The following BMP2K variants were observed in gnomAD, a reference collection of about 807,000 sequenced individuals.
BMP2K encodes the protein BMP2 inducible kinase, also known as BMP-2-inducible protein kinase.
In BMP2K, 74 loss-of-function variants were observed where a neutral mutation model predicts 116.0. The ratio of observed to expected loss-of-function variants is 0.64; its 90% CI spans 0.53 to 0.77. The LOEUF (loss-of-function observed/expected upper bound fraction) is 0.77. Among genes scored for constraint, BMP2K ranks in the 30% least tolerant of loss-of-function variants. BMP2K has a pLI of 0.00. For missense variants in BMP2K, 1,365 were observed against 1,403.6 expected (o/e 0.97, Z 0.44); for synonymous variants, 486 against 502.5 (o/e 0.97, Z 0.44).
In BMP2K at chr4:78,776,582, CAGCGGCGGCGG is replaced by C; in HGVS notation, c.48_58del (p.Gly17TrpfsTer65). 3 of 1,161,810 alleles carry C rather than the reference CAGCGGCGGCGG, an allele frequency of 2.6e-6. No homozygotes were observed. The highest frequency in any genetic ancestry group is 3.2e-6 in the Non-Finnish European group (3 of 938,820). The allele number at this position is 1,161,810 out of a possible 1,614,324, so 72.0% of individuals were successfully genotyped here. On this transcript the variant is annotated frameshift_variant, in exon 1 of 16. Transcript: ENST00000502613. LOFTEE classifies it high-confidence loss of function. ...CTCGGATGCCCAAGTCGGAGGGCGGCAGCGGCGGCGGAGCGGCGGGTGGCGGGGCTGGCGGG... is the reference window on the plus strand; with the variant it reads ...CTCGGATGCCCAAGTCGGAGGGCGGCAGCGGCGGGTGGCGGGGCTGGCGGG...
intron 7 of BMP2K, among the ~76,000 whole-genome samples, chr4:78,858,272 T>G (rs1185283855): frequency 6.6e-6 from 1 of 151,972 alleles, no homozygotes; most frequent in Non-Finnish European, 1.5e-5. Flanking sequence ...TTAAAAACAT[T>G]TAATATCTGT....
rs112065711 is a variant in BMP2K at position 78,865,849 on chromosome 4, T to C, written c.1231+129T>C. On this transcript the variant is annotated intron_variant, in intron 10 of 15. Transcript: ENST00000502613. Reference sequence around the variant, plus strand: ...TAACATAATGCTTTCAGAAACTTTCTATTGATGTCTAATAAATTCAGTTGG... The same window carrying C: ...TAACATAATGCTTTCAGAAACTTTCCATTGATGTCTAATAAATTCAGTTGG... 7 of 869,016 alleles carry C rather than the reference T, an allele frequency of 8.1e-6. 1 individual carries two copies. In the African/African-American group the frequency reaches 1.0e-4, roughly 13 times the overall value. The allele number at this position is 869,016 out of a possible 1,614,324, so 53.8% of individuals were successfully genotyped here. A position where few individuals can be genotyped will look rare whatever the true frequency, so the allele number is the denominator to read the frequency against.
At chr4:78,874,568 T>C (rs905760321) in intron 13 of BMP2K, among the ~76,000 whole-genome samples, 1 of 152,212 alleles carries the variant, frequency 6.6e-6, no homozygotes, top group African/African-American at 2.4e-5. Flanking sequence ...AAATCTAGTT[T>C]ATTTAGTTGG....
intron 1 of BMP2K, among the ~76,000 whole-genome samples, chr4:78,803,249 T>C (rs1728659470): frequency 2.0e-5 from 3 of 152,164 alleles, no homozygotes; most frequent in Non-Finnish European, 4.4e-5. Flanking sequence ...TATACCCCCC[T>C]CCTTTTTTGG....
chr4:78,814,718 G>A (rs1178929715), intron 1 of BMP2K, among the ~76,000 whole-genome samples: 1 of 151,698 alleles, frequency 6.6e-6, no homozygotes, highest in African/African-American at 2.4e-5. Context: ...CCCAGCCTTG[G>A]GTATGTCTTT....
intron 1 of BMP2K, among the ~76,000 whole-genome samples, chr4:78,816,775 C>G (rs1312340821): frequency 1.3e-5 from 2 of 152,176 alleles, no homozygotes; most frequent in Admixed American, 6.5e-5. Context: ...TATGGGAAAT[C>G]AGAGGCGCTT....
intron 1 of BMP2K, among the ~76,000 whole-genome samples, chr4:78,799,690 A>T (rs1728474238): frequency 6.6e-6 from 1 of 152,210 alleles, no homozygotes; most frequent in African/African-American, 2.4e-5. Context: ...TCTGAGTATC[A>T]GAATAATCTG....
chr4:78,872,913 C>G (rs1372467939), intron 13 of BMP2K, 115 bp downstream of exon 13: 1 of 1,062,130 alleles, frequency 9.4e-7, no homozygotes, highest in African/African-American at 1.6e-5. Flanking sequence ...TCTGTAGAGC[C>G]ACCCATTCTC....
chr4:78,832,099 A>G (rs1311265696), intron 2 of BMP2K, among the ~76,000 whole-genome samples: 1 of 152,174 alleles, frequency 6.6e-6, no homozygotes, highest in Non-Finnish European at 1.5e-5. Context: ...TTAAAAAATT[A>G]TTTGATGAGC....
intron 1 of BMP2K, among the ~76,000 whole-genome samples, chr4:78,820,176 G>C (rs1729545098): frequency 1.3e-5 from 2 of 152,142 alleles, no homozygotes; most frequent in Non-Finnish European, 2.9e-5. Flanking sequence ...GGAAGTATTT[G>C]GTAAAATGCC....
At chr4:78,839,683 A>T (rs894415443) in intron 3 of BMP2K, among the ~76,000 whole-genome samples, 1 of 152,182 alleles carries the variant, frequency 6.6e-6, no homozygotes, top group African/African-American at 2.4e-5. Flanking sequence ...GTCTCACAAT[A>T]TGCCATCTGT....
Position 78,802,855 on chromosome 4 carries a change from T to A in BMP2K, c.179-23182T>A, listed in dbSNP as rs541838438. Among the ~76,000 whole-genome samples, 19 of 152,194 alleles carry A rather than the reference T, an allele frequency of 1.2e-4. No homozygotes were observed. In the South Asian group the frequency reaches 3.7e-3, roughly 30 times the overall value. The stretch of plus-strand genomic sequence containing the variant: ...TATAATCTTTTTTTTTTTGTTCTCT[T>A]TTTTGTTTTTTTGAGGCAGAGTCTT... On this transcript the variant is annotated intron_variant, in intron 1 of 15. Coordinates refer to ENST00000502613, the MANE Select transcript of BMP2K (RefSeq NM_198892.2).
intron 1 of BMP2K, among the ~76,000 whole-genome samples, chr4:78,819,996 G>A (rs1368873826): frequency 6.6e-6 from 1 of 152,076 alleles, no homozygotes; most frequent in Admixed American, 6.5e-5. Context: ...GTGGATTCTA[G>A]TGTATTTTCT....
chr4:78,803,645 C>T (rs372066774), intron 1 of BMP2K, among the ~76,000 whole-genome samples: 1 of 152,176 alleles, frequency 6.6e-6, no homozygotes, highest in African/African-American at 2.4e-5. Flanking sequence ...TCCCAAATTG[C>T]TGGGATTACA....
intron 6 of BMP2K, among the ~76,000 whole-genome samples, chr4:78,850,613 T>C (rs571759593): frequency 6.6e-6 from 1 of 152,022 alleles, no homozygotes; most frequent in Admixed American, 6.6e-5. Context: ...ATGCTAGTTA[T>C]GTATTAAGTA....
intron 10 of BMP2K, among the ~76,000 whole-genome samples, chr4:78,869,543 AATGACAATGCTTGCAGTG>A (rs1732227820): frequency 6.6e-6 from 1 of 152,214 alleles, no homozygotes; most frequent in Non-Finnish European, 1.5e-5. Context: ...CACACAAAAA[AATGACAATGCTTGCAGTG>A]ACCGTTTTGC....
intron 2 of BMP2K, among the ~76,000 whole-genome samples, chr4:78,831,124 C>A (rs1730186215): frequency 6.6e-6 from 1 of 152,138 alleles, no homozygotes; most frequent in Non-Finnish European, 1.5e-5. Context: ...ACAGAGGGAA[C>A]CCCAAGGAGA....
chr4:78,790,954 A>G (rs1403678702), intron 1 of BMP2K, among the ~76,000 whole-genome samples: 1 of 152,058 alleles, frequency 6.6e-6, no homozygotes, highest in Non-Finnish European at 1.5e-5. Flanking sequence ...TCTCTTTCCA[A>G]CTTTAGATAG....
intron 1 of BMP2K, among the ~76,000 whole-genome samples, chr4:78,795,245 C>T (rs3775520): frequency 1.3e-5 from 2 of 152,286 alleles, no homozygotes; most frequent in South Asian, 2.1e-4. Context: ...CCATTTAAAA[C>T]GTATTCCAGA....
Sources: allele counts gnomAD v4.1 joint callset (sites outside exome capture counted in the v4.1 genomes callset), GRCh38; gene constraint gnomAD v4.1.1; transcripts MANE v1.5; gene names NCBI Gene and HGNC (gene_info 2026-07-23, HGNC 2026-07-21).